SYN2: variants seen among roughly 807,000 people sequenced by gnomAD.
SYN2 encodes synapsin II.
SYN2 carries 19 observed loss-of-function variants against 50.9 expected under a neutral mutation model. That is an observed-to-expected ratio of 0.37 (90% CI 0.26 to 0.55). The LOEUF is 0.55. Ranked by LOEUF, SYN2 falls within the 20% of genes least tolerant of loss-of-function variation. The pLI is 0.81. For synonymous variants in SYN2, 255 were observed against 224.9 expected, an observed-to-expected ratio of 1.13 and a Z score of -1.20; for missense variants, 587 against 576.4, an observed-to-expected ratio of 1.02 and a Z score of -0.19.
intron 2 of SYN2, among the ~76,000 whole-genome samples, chr3:12,141,018 C>T (rs1697007027): frequency 6.6e-6 from 1 of 151,992 alleles, no homozygotes; most frequent in Admixed American, 6.6e-5. Flanking sequence ...TAGAGGGCTT[C>T]CCAGAATATT....
chr3:12,016,451 A>G lies in SYN2; in HGVS notation c.377+11523A>G, dbSNP rs368550744. 7.5e-4 allele frequency among the ~76,000 whole-genome samples: 115 copies of G among 152,344 alleles called. 1 individual carries two copies. The highest frequency in any genetic ancestry group is 2.4e-3 in the African/African-American group (101 of 41,582). On this transcript the variant is annotated intron_variant, in intron 1 of 12. Transcript: ENST00000621198. ...GACAGAATTAGGATAGTGTAATGGA[A>G]AGAGCATTGCAAACACTTAAAACAC...
chr3:12,018,260 T>C (rs1364141388), intron 1 of SYN2, among the ~76,000 whole-genome samples: 1 of 152,120 alleles, frequency 6.6e-6, no homozygotes, highest in African/African-American at 2.4e-5. Flanking sequence ...AAGAGGCATT[T>C]CAGTAAAAAG....
chr3:12,073,268 A>G (rs1008096643), intron 1 of SYN2, among the ~76,000 whole-genome samples: 11 of 152,162 alleles, frequency 7.2e-5, no homozygotes, highest in African/African-American at 2.7e-4. Context: ...GGTTTCCTGT[A>G]TGGATTAAGG....
chr3:12,019,881 C>G (rs1404397626), intron 1 of SYN2, among the ~76,000 whole-genome samples: 1 of 152,148 alleles, frequency 6.6e-6, no homozygotes, highest in Admixed American at 6.5e-5. Flanking sequence ...AATCAATACT[C>G]TTCTCACTCT....
chr3:12,009,975 G>T (rs1693883198), intron 1 of SYN2, among the ~76,000 whole-genome samples: 1 of 152,084 alleles, frequency 6.6e-6, no homozygotes, highest in Non-Finnish European at 1.5e-5. Flanking sequence ...TGTGCCTGTA[G>T]TCCCAGCTAT....
At chr3:12,062,647 A>G (rs940366914) in intron 1 of SYN2, among the ~76,000 whole-genome samples, 5 of 152,002 alleles carry the variant, frequency 3.3e-5, no homozygotes, top group Admixed American at 3.3e-4. Context: ...TAACTCTAAG[A>G]CTCAATAAGA....
At chr3:12,129,628 G>A (rs1047163953) in intron 1 of SYN2, among the ~76,000 whole-genome samples, 1 of 152,152 alleles carries the variant, frequency 6.6e-6, no homozygotes, top group Non-Finnish European at 1.5e-5. Flanking sequence ...GCCAGAAGAT[G>A]TAAATGGCTA....
chr3:12,124,821 A>ATTATTAT (rs1696631499), intron 1 of SYN2, among the ~76,000 whole-genome samples: 5 of 152,220 alleles, frequency 3.3e-5, no homozygotes, highest in Non-Finnish European at 5.9e-5. Context: ...ATGTTAATTC[A>ATTATTAT]GAGTAGTTAT....
At chr3:12,184,232 G>A (rs780682030) in intron 11 of SYN2, 178 of 985,732 alleles carry the variant, frequency 1.8e-4, no homozygotes, top group Non-Finnish European at 2.0e-4. Context: ...AAATGGGGCC[G>A]CTGATGTGCA....
rs1328633640 is a variant in SYN2 at position 12,145,985 on chromosome 3, T to C, written c.684+150T>C. ...CCCTAGGAGGGTCCTCAAGATGCAGTTGGCCCCAGCTAAGAGGATGTGAGA... is the reference window on the plus strand; with the variant it reads ...CCCTAGGAGGGTCCTCAAGATGCAGCTGGCCCCAGCTAAGAGGATGTGAGA... On this transcript the variant is annotated intron_variant, in intron 4 of 12. Coordinates refer to ENST00000621198, the MANE Select transcript of SYN2 (RefSeq NM_133625.6). The C allele has an allele frequency of 7.9e-6, 9 of 1,136,284 alleles. No individual in the cohort carries two copies. The East Asian group carries it at 1.2e-4, about 15-fold the overall frequency. 70.4% of individuals were successfully genotyped at this position (1,136,284 alleles called of 1,614,324 possible).
At chr3:12,158,976 G>T in intron 5 of SYN2, 1 of 1,313,022 alleles carries the variant, frequency 7.6e-7, no homozygotes, top group Non-Finnish European at 1.0e-6. Flanking sequence ...GCCCCGACGG[G>T]CTCCGCCTTC....
intron 1 of SYN2, among the ~76,000 whole-genome samples, chr3:12,011,298 A>C (rs1693907249): frequency 1.3e-5 from 2 of 152,228 alleles, no homozygotes; most frequent in African/African-American, 4.8e-5. Context: ...TCCCACATAG[A>C]AGCAATTGGG....
rs552252206 is a variant in SYN2, at chr3:12,072,694, G to C, written c.377+67766G>C. On this transcript the variant is annotated intron_variant, in intron 1 of 12. Coordinates refer to ENST00000621198, the MANE Select transcript of SYN2 (RefSeq NM_133625.6). The stretch of plus-strand genomic sequence containing the variant: ...TGTTTTTAGCTTCCAAGAGCTCTTT[G>C]TTTTTCTCCAATTGCTTCCATATTC... Among the ~76,000 whole-genome samples the C allele has an allele frequency of 2.0e-4, 30 of 152,198 alleles. No individual in the cohort carries two copies. The Middle Eastern group carries it at 0.014, about 69-fold the overall frequency.
At chr3:12,125,110 G>A (rs1371134547) in intron 1 of SYN2, among the ~76,000 whole-genome samples, 3 of 152,028 alleles carry the variant, frequency 2.0e-5, no homozygotes, top group Non-Finnish European at 2.9e-5. Flanking sequence ...CGCCTCCCGG[G>A]TTCAAGTGAT....
chr3:12,021,188 T>C (rs2125135698), intron 1 of SYN2, among the ~76,000 whole-genome samples: 1 of 152,348 alleles, frequency 6.6e-6, no homozygotes, highest in South Asian at 2.1e-4. Context: ...TTTTCACCAT[T>C]ATGACATAGT....
intron 10 of SYN2, among the ~76,000 whole-genome samples, chr3:12,171,896 G>A (rs1449498744): frequency 6.6e-6 from 1 of 152,130 alleles, no homozygotes; most frequent in African/African-American, 2.4e-5. Flanking sequence ...TTTGGTATAA[G>A]CCCCTTATTT....
intron 10 of SYN2, among the ~76,000 whole-genome samples, chr3:12,179,588 A>C (rs932781049): frequency 6.6e-6 from 1 of 152,120 alleles, no homozygotes; most frequent in African/African-American, 2.4e-5. Flanking sequence ...TCAATCTTCT[A>C]CTAAGCCCTA....
rs752478853 is a variant in SYN2 at position 12,167,273 on chromosome 3, C to T, written c.1020C>T (p.Gly340=). ...SISGNWKTNT[G]SAMLEQIAMS... ...CAGGGAACTGGAAGACGAACACTGGCTCTGCGATGCTGGAGCAGATTGCCA... is the reference window on the plus strand; with the variant it reads ...CAGGGAACTGGAAGACGAACACTGGTTCTGCGATGCTGGAGCAGATTGCCA... The change falls in exon 8 of 13, where the codon GGC becomes GGT. Residue 340 remains glycine, a synonymous_variant. Coordinates refer to ENST00000621198, the MANE Select transcript of SYN2 (RefSeq NM_133625.6). 1 of 1,613,006 alleles carries T rather than the reference C, an allele frequency of 6.2e-7. No individual in the cohort carries two copies. The highest frequency in any genetic ancestry group is 1.7e-5 in the Admixed American group (1 of 59,890).
Position 12,005,545 on chromosome 3 carries a change from A to G in SYN2, c.377+617A>G, listed in dbSNP as rs576497915. ...TCTTTATGAATAATAAAATTGTTGT[A>G]TTTTGTGCAGCAGGGAGGGGACGTG... On this transcript the variant is annotated intron_variant, in intron 1 of 12. Coordinates refer to ENST00000621198, the MANE Select transcript of SYN2 (RefSeq NM_133625.6). 9.8e-4 allele frequency among the ~76,000 whole-genome samples: 136 copies of G among 138,668 alleles called. 1 individual carries two copies. The highest frequency in any genetic ancestry group is 1.8e-3 in the Non-Finnish European group (113 of 64,486). 91.0% of individuals were successfully genotyped at this position (138,668 alleles called of 152,430 possible). A position where few individuals can be genotyped will look rare whatever the true frequency, so the allele number is the denominator to read the frequency against.
Sources: allele counts gnomAD v4.1 joint callset (sites outside exome capture counted in the v4.1 genomes callset), GRCh38; gene constraint gnomAD v4.1.1; transcripts MANE v1.5; gene names NCBI Gene and HGNC (gene_info 2026-07-23, HGNC 2026-07-21).